Variants in SLC25A31 observed in about 807,000 individuals in gnomAD.
SLC25A31 encodes ADP/ATP translocase 4.
A neutral mutation model predicts 36.2 loss-of-function variants in SLC25A31; 40 were observed. That is an observed-to-expected ratio of 1.10 (90% CI 0.86 to 1.44). The LOEUF is 1.44. SLC25A31 is among the 40% of genes most tolerant of loss of function. The pLI, the probability that SLC25A31 is intolerant of heterozygous loss-of-function variation, is 0.00. For synonymous variants in SLC25A31, 143 were observed against 149.7 expected (o/e 0.96, Z 0.32); for missense variants, 350 against 397.1 (o/e 0.88, Z 1.01).
At chr4:127,773,359 G>C in intron 5 of SLC25A31, 27 bp from the exon 6 acceptor site, 1 of 1,583,964 alleles carries the variant, frequency 6.3e-7, no homozygotes, top group South Asian at 1.2e-5. Flanking sequence ...TCAGATAATG[G>C]AAAACCCTTT....
intron 1 of SLC25A31, among the ~76,000 whole-genome samples, chr4:127,735,538 A>G (rs1275103977): frequency 6.6e-6 from 1 of 152,092 alleles, no homozygotes; most frequent in Admixed American, 6.5e-5. Flanking sequence ...CTTAAGATGT[A>G]AGCTCCATAA....
intron 2 of SLC25A31, among the ~76,000 whole-genome samples, chr4:127,747,785 G>A (rs928427218): frequency 1.1e-4 from 17 of 152,210 alleles, no homozygotes; most frequent in Admixed American, 5.9e-4. Flanking sequence ...GTTCCACAGC[G>A]TCAGGGTCTC....
chr4:127,750,503 A>G (rs1191306273), intron 2 of SLC25A31, among the ~76,000 whole-genome samples: 5 of 152,332 alleles, frequency 3.3e-5, no homozygotes, highest in Admixed American at 2.0e-4. Flanking sequence ...CTAATACTGT[A>G]AAGGTGATGT....
rs540158728 is a variant in SLC25A31, at chr4:127,764,701, C to T, written c.478+341C>T. On this transcript the variant is annotated intron_variant, in intron 3 of 5. Transcript: ENST00000281154. ...TCTAGGTTAGATGCACAAATCTCATCCTAGGGAGTCCCTTTGCCTCTATCC... is the reference window on the plus strand; with the variant it reads ...TCTAGGTTAGATGCACAAATCTCATTCTAGGGAGTCCCTTTGCCTCTATCC... 5.9e-5 allele frequency among the ~76,000 whole-genome samples: 9 copies of T among 152,200 alleles called. No homozygotes were observed. The East Asian group carries it at 1.5e-3, about 26-fold the overall frequency.
intron 4 of SLC25A31, among the ~76,000 whole-genome samples, chr4:127,767,600 G>A (rs766948812): frequency 6.6e-6 from 1 of 152,108 alleles, no homozygotes; most frequent in Non-Finnish European, 1.5e-5. Flanking sequence ...ATAATAAAAT[G>A]TCATTTTGAG....
chr4:127,756,032 C>CA (rs201439228), intron 2 of SLC25A31, among the ~76,000 whole-genome samples: 5,735 of 99,076 alleles, frequency 0.058, 324 homozygotes, highest in African/African-American at 0.17. Flanking sequence ...GACCCCACCT[C>CA]AAAAAAAAAA....
In SLC25A31 at chr4:127,773,630, A is replaced by G. The variant is rs1221544579; in HGVS notation, c.*56A>G. 4 of 1,358,440 alleles carry G rather than the reference A, an allele frequency of 2.9e-6. No homozygotes were observed. The highest frequency in any genetic ancestry group is 3.0e-6 in the Non-Finnish European group (3 of 1,013,206). The allele number at this position is 1,358,440 out of a possible 1,614,324, so 84.1% of individuals were successfully genotyped here. A position where few individuals can be genotyped will look rare whatever the true frequency, so the allele number is the denominator to read the frequency against. ...TTAACTTGTTAAACATACAAATTAC[A>G]TAGCTGCCATTTGCATACATTTTGA... On this transcript the variant is annotated 3_prime_UTR_variant, in exon 6 of 6. Coordinates refer to ENST00000281154, the MANE Select transcript of SLC25A31 (RefSeq NM_031291.4).
chr4:127,753,081 A>G (rs1560635849), intron 2 of SLC25A31, among the ~76,000 whole-genome samples: 1 of 152,196 alleles, frequency 6.6e-6, no homozygotes, highest in Admixed American at 6.5e-5. Flanking sequence ...ATATGTGGAA[A>G]TTAAACAACA....
At chr4:127,736,335 G>A (rs1731633014) in intron 1 of SLC25A31, among the ~76,000 whole-genome samples, 1 of 152,090 alleles carries the variant, frequency 6.6e-6, no homozygotes, top group South Asian at 2.1e-4. Flanking sequence ...TTAGGAATTA[G>A]AAACTTAAAC....
Position 127,730,666 on chromosome 4 carries a change from A to G in SLC25A31, c.121A>G (p.Ile41Val), listed in dbSNP as rs753538387. The part of the protein sequence containing the change: ...AAVSKTAVAP[I>V]ERVKLLLQVQ... ...TGTGTCCAAGACAGCGGTGGCGCCC[A>G]TCGAGCGGGTGAAGCTGCTGCTGCA... Residue 41 changes from isoleucine to valine, a missense_variant, in exon 1 of 6, where the codon ATC becomes GTC. Coordinates refer to ENST00000281154, the MANE Select transcript of SLC25A31 (RefSeq NM_031291.4). The G allele has an allele frequency of 1.9e-6, 3 of 1,613,746 alleles. No homozygotes were observed. Among genetic ancestry groups the G allele is most frequent in the East Asian group, 2.2e-5 (1 of 44,882 alleles).
chr4:127,746,792 C>T (rs759563632), intron 2 of SLC25A31, among the ~76,000 whole-genome samples: 16 of 152,080 alleles, frequency 1.1e-4, no homozygotes, highest in Admixed American at 3.3e-4. Flanking sequence ...TCCTATTTGT[C>T]GATTTTTGCT....
intron 2 of SLC25A31, among the ~76,000 whole-genome samples, chr4:127,762,714 G>A (rs1228476020): frequency 1.3e-5 from 2 of 151,738 alleles, no homozygotes; most frequent in African/African-American, 4.8e-5. Context: ...GTCAGGAGAT[G>A]GAAACCATCC....
chr4:127,768,972 A>G (rs1373038196), intron 5 of SLC25A31, 95 bp downstream of exon 5: 12 of 1,175,756 alleles, frequency 1.0e-5, no homozygotes, highest in African/African-American at 4.7e-5. Flanking sequence ...GCTGAAAGGC[A>G]TAAGTCATTT....
intron 1 of SLC25A31, among the ~76,000 whole-genome samples, chr4:127,740,003 C>T (rs1055620908): frequency 1.3e-5 from 2 of 151,972 alleles, no homozygotes; most frequent in Non-Finnish European, 2.9e-5. Context: ...CTATTTTCAA[C>T]CTTCTTTTAG....
intron 2 of SLC25A31, among the ~76,000 whole-genome samples, chr4:127,755,118 T>C (rs1732005123): frequency 6.6e-6 from 1 of 152,148 alleles, no homozygotes; most frequent in African/African-American, 2.4e-5. Flanking sequence ...TGGACTCTTA[T>C]CTCACACCAT....
intron 1 of SLC25A31, among the ~76,000 whole-genome samples, chr4:127,734,286 G>A (rs1258770391): frequency 1.3e-5 from 2 of 152,026 alleles, no homozygotes; most frequent in Non-Finnish European, 2.9e-5. Context: ...TTTTCTGGGT[G>A]TGGTGGCTCA....
intron 1 of SLC25A31, among the ~76,000 whole-genome samples, chr4:127,735,875 T>C (rs1242976563): frequency 1.3e-5 from 1 of 77,934 alleles, no homozygotes; most frequent in Non-Finnish European, 2.7e-5. Flanking sequence ...TTATTTTATT[T>C]ATTTATTTAT....
chr4:127,740,992 C>T (rs1241658781), intron 1 of SLC25A31, among the ~76,000 whole-genome samples: 1 of 152,070 alleles, frequency 6.6e-6, no homozygotes, highest in Non-Finnish European at 1.5e-5. Flanking sequence ...AAATTTATTC[C>T]TAATGTTTCG....
At chr4:127,758,154 G>C (rs1310540461) in intron 2 of SLC25A31, among the ~76,000 whole-genome samples, 1 of 152,014 alleles carries the variant, frequency 6.6e-6, no homozygotes. Flanking sequence ...ACCACCCCCG[G>C]GTCCTTCCCA....
Sources: gnomAD v4.1 joint callset for allele counts (sites outside exome capture counted in the v4.1 genomes callset) on GRCh38, gnomAD v4.1.1 for gene constraint, MANE v1.5 for transcripts, NCBI Gene and HGNC (gene_info 2026-07-23, HGNC 2026-07-21) for gene names.